The following URI1 variants were observed in gnomAD, a reference collection of about 807,000 sequenced individuals.
URI1 encodes the protein unconventional prefoldin RPB5 interactor 1.
URI1 carries 39 observed loss-of-function variants against 60.2 expected under a neutral mutation model. The observed-to-expected ratio is 0.65, with a 90% CI of 0.50 to 0.85. The LOEUF (loss-of-function observed/expected upper bound fraction) is 0.85. Among genes scored for constraint, URI1 ranks in the 40% least tolerant of loss-of-function variants. The pLI is 0.00. For synonymous variants in URI1, 251 were observed against 236.8 expected, an observed-to-expected ratio of 1.06 and a Z score of -0.55; for missense variants, 691 against 665.9, an observed-to-expected ratio of 1.04 and a Z score of -0.42.
At position 29,948,621 on chromosome 19, in the gene URI1, T is replaced by C. The variant is rs564035313; in HGVS notation, c.117+5957T>C. Among the ~76,000 whole-genome samples, 14 of 152,152 alleles carry C rather than the reference T, an allele frequency of 9.2e-5. No homozygotes were observed. The East Asian group carries it at 2.7e-3, about 29-fold the overall frequency. On this transcript the variant is annotated intron_variant, in intron 1 of 10. Transcript: ENST00000392271. ...CACCCTTAATCCATTTAACCCTGAG[T>C]GGACACAGCACATGTTTCAGAGAGC...
intron 1 of URI1, among the ~76,000 whole-genome samples, chr19:29,945,293 A>T (rs2055089391): frequency 6.6e-6 from 1 of 152,196 alleles, no homozygotes; most frequent in African/African-American, 2.4e-5. Flanking sequence ...CTGGTAGGTA[A>T]TGTGGCTTAA....
intron 4 of URI1, among the ~76,000 whole-genome samples, chr19:30,003,736 G>A (rs1488778198): frequency 1.3e-5 from 2 of 151,868 alleles, no homozygotes; most frequent in African/African-American, 4.8e-5. Flanking sequence ...GATACCTTTA[G>A]CTTAGTTGCA....
intron 1 of URI1, chr19:29,957,113 A>G: frequency 2.2e-6 from 1 of 449,460 alleles, no homozygotes. Flanking sequence ...GGAAAACCGT[A>G]AAAGAAATAC....
chr19:30,006,251 A>T (rs758492805), intron 6 of URI1, among the ~76,000 whole-genome samples: 2 of 152,140 alleles, frequency 1.3e-5, no homozygotes, highest in South Asian at 2.1e-4. Flanking sequence ...TGTAAAGCCA[A>T]TGGTTCCTTC....
intron 1 of URI1, 82 bp from the exon 2 acceptor site, chr19:29,971,111 T>C: frequency 7.6e-7 from 1 of 1,310,498 alleles, no homozygotes; most frequent in South Asian, 1.2e-5. Flanking sequence ...AAAGCCAATG[T>C]TCTAGTTTTC....
intron 1 of URI1, among the ~76,000 whole-genome samples, chr19:29,948,038 C>G (rs547403755): frequency 4.6e-5 from 7 of 152,112 alleles, no homozygotes; most frequent in East Asian, 1.9e-4. Flanking sequence ...GAAAGAGTGT[C>G]ATGTCTCCAC....
chr19:29,937,188 C>T (rs1234437263), intron 1 of URI1, among the ~76,000 whole-genome samples: 2 of 152,170 alleles, frequency 1.3e-5, no homozygotes, highest in Admixed American at 6.5e-5. Context: ...TAAGTTCAAG[C>T]TATTGTACTT....
chr19:29,995,206 T>G (rs1348721361), intron 4 of URI1, among the ~76,000 whole-genome samples: 1 of 152,128 alleles, frequency 6.6e-6, no homozygotes, highest in East Asian at 1.9e-4. Flanking sequence ...TGTTACTATA[T>G]TTTTTATATA....
At chr19:29,941,187 A>C (rs1599654124), upstream of URI1, among the ~76,000 whole-genome samples, 2 of 152,306 alleles carry the variant, frequency 1.3e-5, no homozygotes, top group Middle Eastern at 3.4e-3. Flanking sequence ...TGTCTGTATG[A>C]TGTGGAACGA....
Position 29,976,786 on chromosome 19 carries a change from T to A in URI1, c.152+5559T>A, listed in dbSNP as rs1015376878. 9.2e-5 allele frequency among the ~76,000 whole-genome samples: 14 copies of A among 152,212 alleles called. 1 individual carries two copies. The highest frequency in any genetic ancestry group is 3.1e-4 in the African/African-American group (13 of 41,454). On this transcript the variant is annotated intron_variant, in intron 2 of 10. Transcript: ENST00000392271. ...GTGAGTTGTAAAAAATTTATTGCCT[T>A]GCTTCCTTTATTTTAAAAGGATTTT...
chr19:29,998,151 T>C (rs2055836124), intron 4 of URI1, among the ~76,000 whole-genome samples: 1 of 152,222 alleles, frequency 6.6e-6, no homozygotes, highest in South Asian at 2.1e-4. Flanking sequence ...TTTCCTTCTA[T>C]TAATGATTTT....
At chr19:30,011,728 T>G (rs1599728603) in intron 9 of URI1, among the ~76,000 whole-genome samples, 1 of 151,882 alleles carries the variant, frequency 6.6e-6, no homozygotes, top group East Asian at 1.9e-4. Flanking sequence ...AATTGCTAAA[T>G]GTATACGTGG....
rs551173139 is a variant in URI1, at chr19:29,956,578, T to C, written c.117+13914T>C. The C allele has an allele frequency of 5.4e-5, 82 of 1,511,680 alleles. No individual in the cohort carries two copies. The East Asian group carries it at 1.5e-3, about 28-fold the overall frequency. 93.6% of individuals were successfully genotyped at this position (1,511,680 alleles called of 1,614,324 possible). A position where few individuals can be genotyped will look rare whatever the true frequency, so the allele number is the denominator to read the frequency against. Reference sequence around the variant, plus strand: ...AAGGATTAATTCATCTTTCTGGGCTTGAGGTACTGAACAGGCAACACCTGG... The same window carrying C: ...AAGGATTAATTCATCTTTCTGGGCTCGAGGTACTGAACAGGCAACACCTGG... On this transcript the variant is annotated intron_variant, in intron 1 of 10. Transcript: ENST00000392271.
chr19:30,001,745 G>A (rs187484590), intron 4 of URI1, among the ~76,000 whole-genome samples: 253 of 152,022 alleles, frequency 1.7e-3, no homozygotes, highest in Middle Eastern at 3.4e-3. Context: ...GTTGTGCAAA[G>A]TCCATTATCA....
Position 29,976,434 on chromosome 19 carries a change from CA to C in URI1, c.152+5208del, listed in dbSNP as rs1156782560. ...GTGCTGTTGGTTGAGCCTCTGCCTC[CA>C]TGTGCTCTTTTGTCCAGCTTACTTT... On this transcript the variant is annotated intron_variant, in intron 2 of 10. Transcript: ENST00000392271. 2.6e-5 allele frequency among the ~76,000 whole-genome samples: 4 copies of C among 152,278 alleles called. No individual in the cohort carries two copies. The East Asian group carries it at 7.7e-4, about 29-fold the overall frequency.
intron 4 of URI1, among the ~76,000 whole-genome samples, chr19:29,989,649 C>G (rs1424922091): frequency 6.6e-6 from 1 of 152,140 alleles, no homozygotes; most frequent in African/African-American, 2.4e-5. Context: ...TCTTGAACTC[C>G]TGACCTCATG....
chr19:29,964,481 T>TTTTTTC (rs2055366865), intron 1 of URI1, among the ~76,000 whole-genome samples: 1 of 148,480 alleles, frequency 6.7e-6, no homozygotes. Flanking sequence ...TTTTTTTTTT[T>TTTTTTC]GAGACGGAGT....
intron 1 of URI1, among the ~76,000 whole-genome samples, chr19:29,949,112 C>G (rs1471080099): frequency 6.7e-6 from 1 of 148,364 alleles, no homozygotes; most frequent in East Asian, 2.0e-4. Flanking sequence ...ACTTCCCAGA[C>G]GGGGCAGCTG....
chr19:29,971,311 G>A (rs561188701), intron 2 of URI1, 84 bp downstream of exon 2: 91 of 1,381,094 alleles, frequency 6.6e-5, no homozygotes, highest in Admixed American at 1.8e-4. Flanking sequence ...TACTGTTTGC[G>A]TGTGTGTGTA....
Sources: gnomAD v4.1 joint callset for allele counts (sites outside exome capture counted in the v4.1 genomes callset) on GRCh38, gnomAD v4.1.1 for gene constraint, MANE v1.5 for transcripts, NCBI Gene and HGNC (gene_info 2026-07-23, HGNC 2026-07-21) for gene names.